The following DNAJC30 variants were observed in gnomAD, a reference collection of about 807,000 sequenced individuals.
The protein encoded by DNAJC30 is DnaJ heat shock protein family (Hsp40) member C30.
Under a neutral mutation model 15.4 loss-of-function variants are expected in DNAJC30, and 16 were observed. That is an observed-to-expected ratio of 1.04 (90% CI 0.70 to 1.58). The LOEUF (loss-of-function observed/expected upper bound fraction) is 1.58. Among genes scored for constraint, DNAJC30 ranks in the 40% most tolerant of loss-of-function variants. The pLI is 0.00. For missense variants in DNAJC30, 352 were observed against 320.9 expected, an observed-to-expected ratio of 1.10 and a Z score of -0.74; for synonymous variants, 161 against 140.2, an observed-to-expected ratio of 1.15 and a Z score of -1.05.
chr7:73,681,956 A>AAAAAC lies in DNAJC30; in HGVS notation c.*782_*786dup, dbSNP rs1319336349. ...GCAACAGAGCGCAAGACTCCATCTC[A>AAAAAC]AAAACAAAACAAAACAAAAAACCCC... On this transcript the variant is annotated 3_prime_UTR_variant, in exon 1 of 1. Transcript: ENST00000395176. 3.9e-5 allele frequency: 6 copies of AAAAAC among 154,794 alleles called. No individual in the cohort carries two copies. Among genetic ancestry groups the AAAAAC allele is most frequent in the East Asian group, 1.9e-4 (1 of 5,294 alleles). 9.6% of individuals were successfully genotyped at this position (154,794 alleles called of 1,614,324 possible). A position where few individuals can be genotyped will look rare whatever the true frequency, so the allele number is the denominator to read the frequency against.
In DNAJC30 at chr7:73,682,956, G is replaced by A. The variant is rs1554611616; in HGVS notation, c.468C>T (p.Gly156=). Residue 156 remains glycine, a synonymous_variant, in exon 1 of 1, where the codon GGC becomes GGT. Coordinates refer to ENST00000395176, the MANE Select transcript of DNAJC30 (RefSeq NM_032317.3). ...CAAAGTTGAACATCGTGCGGTTGGC[G>A]CCGGGGGAGGCCCGAGAACCGTCGT... ...RTHDGSRASP[G]ANRTMFNFDA... The A allele has an allele frequency of 1.5e-5, 24 of 1,609,296 alleles. No homozygotes were observed. The highest frequency in any genetic ancestry group is 1.9e-5 in the Non-Finnish European group (22 of 1,177,056).
rs1296122305 is a variant in DNAJC30 at position 73,680,998 on chromosome 7, AC to A, written c.*1744del. 14 of 151,572 alleles carry A rather than the reference AC, an allele frequency of 9.2e-5. No individual in the cohort carries two copies. The highest frequency in any genetic ancestry group is 3.2e-4 in the African/African-American group (13 of 41,202). 9.4% of individuals were successfully genotyped at this position (151,572 alleles called of 1,614,324 possible). ...ACCAGCTGTGGGTTTATCCCATTTT[AC>A]CTAAGGATTTTACACAATACATTGA... is the stretch of plus-strand genomic sequence containing the variant. On this transcript the variant is annotated 3_prime_UTR_variant, in exon 1 of 1. Coordinates refer to ENST00000395176, the MANE Select transcript of DNAJC30 (RefSeq NM_032317.3).
chr7:73,682,781 T>A lies in DNAJC30; in HGVS notation c.643A>T (p.Ile215Phe), dbSNP rs1554611506. ...DTRDTAAIFL[I>F]FSIFIIIGFY... ...CCGATGATGATGAAGATTGAAAAGA[T>A]GAGGAAAATGGCAGCCGTGTCTCGG... The change falls in exon 1 of 1, where the codon ATC (isoleucine) becomes TTC (phenylalanine). Residue 215 changes from isoleucine to phenylalanine, a missense_variant. Transcript: ENST00000395176. The A allele has an allele frequency of 6.2e-7, 1 of 1,611,514 alleles. No homozygotes were observed. The highest frequency in any genetic ancestry group is 1.3e-5 in the African/African-American group (1 of 74,932).
Position 73,683,448 on chromosome 7 carries a change from C to A in DNAJC30, c.-25G>T, listed in dbSNP as rs1554611902. ...TGTTGAATTGATTCGGCAGGCGGTG[C>A]AAGAGAAACCGGCCAATGAGAGGAG... On this transcript the variant is annotated 5_prime_UTR_variant, in exon 1 of 1. Transcript: ENST00000395176. The A allele has an allele frequency of 1.4e-5, 23 of 1,606,436 alleles. No homozygotes were observed. The highest frequency in any genetic ancestry group is 1.9e-5 in the Non-Finnish European group (22 of 1,177,024).
In DNAJC30 at chr7:73,681,744, G is replaced by A. The variant is rs1584202543; in HGVS notation, c.*999C>T. 6.6e-6 allele frequency: 1 copy of A among 152,184 alleles called. No homozygotes were observed. Among genetic ancestry groups the A allele is most frequent in the African/African-American group, 2.4e-5 (1 of 41,422 alleles). The allele number at this position is 152,184 out of a possible 1,614,324, so 9.4% of individuals were successfully genotyped here. A position where few individuals can be genotyped will look rare whatever the true frequency, so the allele number is the denominator to read the frequency against. On this transcript the variant is annotated 3_prime_UTR_variant, in exon 1 of 1. Transcript: ENST00000395176. ...CTGGACGGGCAGACAGCCTGAGGTCGGCAGTTCGAGACCTCAGTCTGGCCA... is the reference window on the plus strand; with the variant it reads ...CTGGACGGGCAGACAGCCTGAGGTCAGCAGTTCGAGACCTCAGTCTGGCCA...
In DNAJC30 at chr7:73,683,225, C is replaced by T. The variant is rs61732176; in HGVS notation, c.199G>A (p.Ala67Thr). ...AGAAAGCACTGACGGTAGTAAGCCGCCTTGATTTGGGCCTGCGTGGCTGTG... is the reference window on the plus strand; with the variant it reads ...AGAAAGCACTGACGGTAGTAAGCCGTCTTGATTTGGGCCTGCGTGGCTGTG... ...PSTATQAQIKAAYYRQCFLYH... is the reference protein window; with the variant it reads ...PSTATQAQIKTAYYRQCFLYH... Residue 67 changes from alanine (A) to threonine (T), a missense_variant, in exon 1 of 1, where the codon GCG becomes ACG. By Grantham distance (58) the Ala-to-Thr change is moderately conservative. Coordinates refer to ENST00000395176, the MANE Select transcript of DNAJC30 (RefSeq NM_032317.3). 4,061 of 1,614,210 alleles carry T rather than the reference C, an allele frequency of 2.5e-3. 88 individuals are homozygous for T. In the African/African-American group the frequency reaches 0.046, roughly 18 times the overall value.
rs1554611722 is a variant in DNAJC30, at chr7:73,683,169, C to T, written c.255G>A (p.Ala85=). Residue 85 remains alanine, a synonymous_variant, in exon 1 of 1, where the codon GCG becomes GCA. Transcript: ENST00000395176. Reference sequence around the variant, plus strand: ...TGCGCGTGAAGCGCTCGGCGGCCTCCGCGCTCCCGGAGTTGCGGTCCGGGT... The same window carrying T: ...TGCGCGTGAAGCGCTCGGCGGCCTCTGCGCTCCCGGAGTTGCGGTCCGGGT... The part of the protein sequence containing the change: ...LYHPDRNSGS[A]EAAERFTRIS... 2 of 1,614,194 alleles carry T rather than the reference C, an allele frequency of 1.2e-6. No homozygotes were observed. The highest frequency in any genetic ancestry group is 1.7e-5 in the Admixed American group (1 of 60,032).
Position 73,682,720 on chromosome 7 carries a change from C to T in DNAJC30, c.*23G>A, listed in dbSNP as rs1554611487. ...GTTTCTGGGGGGTTGGCTGGGGACA[C>T]TCCCCTTCCCTTCTCTCTCCGATTA... On this transcript the variant is annotated 3_prime_UTR_variant, in exon 1 of 1. Transcript: ENST00000395176. The T allele has an allele frequency of 1.3e-6, 2 of 1,583,436 alleles. No homozygotes were observed. Among genetic ancestry groups the T allele is most frequent in the Non-Finnish European group, 1.7e-6 (2 of 1,162,148 alleles).
Position 73,682,520 on chromosome 7 carries a change from G to A in DNAJC30, c.*223C>T. 1.9e-6 allele frequency: 1 copy of A among 518,124 alleles called. No homozygotes were observed. The allele number at this position is 518,124 out of a possible 1,614,324, so 32.1% of individuals were successfully genotyped here. A position where few individuals can be genotyped will look rare whatever the true frequency, so the allele number is the denominator to read the frequency against. On this transcript the variant is annotated 3_prime_UTR_variant, in exon 1 of 1. Coordinates refer to ENST00000395176, the MANE Select transcript of DNAJC30 (RefSeq NM_032317.3). Reference sequence around the variant, plus strand: ...TCCTGGGCTTTCGGGACTCTACAGCGTGGGGCCTCTTTCTCAGACATCGAA... The same window carrying A: ...TCCTGGGCTTTCGGGACTCTACAGCATGGGGCCTCTTTCTCAGACATCGAA...
At position 73,682,954 on chromosome 7, in the gene DNAJC30, G is replaced by A. The variant is rs1797761612; in HGVS notation, c.470C>T (p.Ala157Val). The A allele has an allele frequency of 6.8e-6, 11 of 1,610,352 alleles. No individual in the cohort carries two copies. The highest frequency in any genetic ancestry group is 1.3e-5 in the African/African-American group (1 of 74,894). ...GTCAAAGTTGAACATCGTGCGGTTG[G>A]CGCCGGGGGAGGCCCGAGAACCGTC... ...THDGSRASPGANRTMFNFDAF... is the reference protein window; with the variant it reads ...THDGSRASPGVNRTMFNFDAF... Residue 157 changes from alanine to valine, a missense_variant, in exon 1 of 1, where the codon GCC (alanine) becomes GTC (valine). By Grantham distance (64) the Ala-to-Val change is moderately conservative. Coordinates refer to ENST00000395176, the MANE Select transcript of DNAJC30 (RefSeq NM_032317.3).
Position 73,683,441 on chromosome 7 carries a change from G to T in DNAJC30, c.-18C>A. ...GCTGCCATGTTGAATTGATTCGGCAGGCGGTGCAAGAGAAACCGGCCAATG... is the reference window on the plus strand; with the variant it reads ...GCTGCCATGTTGAATTGATTCGGCATGCGGTGCAAGAGAAACCGGCCAATG... On this transcript the variant is annotated 5_prime_UTR_variant, in exon 1 of 1. The change creates a new upstream start codon in the 5' untranslated region. Transcript: ENST00000395176. 6.2e-7 allele frequency: 1 copy of T among 1,608,752 alleles called. No homozygotes were observed.
Position 73,683,069 on chromosome 7 carries a change from C to T in DNAJC30, c.355G>A (p.Asp119Asn), listed in dbSNP as rs1414872394. The change falls in exon 1 of 1, where the codon GAC becomes AAC. Residue 119 changes from aspartate (D) to asparagine (N), a missense_variant. Coordinates refer to ENST00000395176, the MANE Select transcript of DNAJC30 (RefSeq NM_032317.3). Reference protein sequence around the residue: ...KYDRGLLSDEDLRGPGVRPSR... With the variant: ...KYDRGLLSDENLRGPGVRPSR... ...GGCCGGACGCCAGGTCCGCGCAGGT[C>T]CTCGTCGCTGAGTAGGCCGCGATCA... is the stretch of plus-strand genomic sequence containing the variant. 7 of 1,602,334 alleles carry T rather than the reference C, an allele frequency of 4.4e-6. No individual in the cohort carries two copies. Among genetic ancestry groups the T allele is most frequent in the Non-Finnish European group, 6.0e-6 (7 of 1,172,314 alleles).
At position 73,682,907 on chromosome 7, in the gene DNAJC30, C is replaced by T. The variant is rs782073520; in HGVS notation, c.517G>A (p.Gly173Arg). The T allele has an allele frequency of 6.2e-7, 1 of 1,614,070 alleles. No individual in the cohort carries two copies. The highest frequency in any genetic ancestry group is 8.5e-7 in the Non-Finnish European group (1 of 1,180,016). ...NFDAFYQAHY[G>R]EQLERERRLR... is the part of the protein sequence containing the mutation. ...CGCCGTTCCCGCTCCAGTTGTTCCCCGTAGTGGGCCTGGTAGAAGGCGTCA... is the reference window on the plus strand; with the variant it reads ...CGCCGTTCCCGCTCCAGTTGTTCCCTGTAGTGGGCCTGGTAGAAGGCGTCA... The change falls in exon 1 of 1, where the codon GGG (glycine) becomes AGG (arginine). Residue 173 changes from glycine to arginine, a missense_variant. By Grantham distance (125) the Gly-to-Arg change is moderately radical. Coordinates refer to ENST00000395176, the MANE Select transcript of DNAJC30 (RefSeq NM_032317.3).
chr7:73,683,052 G>T lies in DNAJC30; in HGVS notation c.372C>A (p.Gly124=). Residue 124 remains glycine (G), a synonymous_variant, in exon 1 of 1, where the codon GGC becomes GGA. Transcript: ENST00000395176. ...LLSDEDLRGP[G]VRPSRTPAPD... ...GTGCGGGCGTCCTGGAGGGCCGGAC[G>T]CCAGGTCCGCGCAGGTCCTCGTCGC... The T allele has an allele frequency of 6.3e-7, 1 of 1,594,946 alleles. No individual in the cohort carries two copies. Among genetic ancestry groups the T allele is most frequent in the Non-Finnish European group, 8.6e-7 (1 of 1,168,508 alleles).
chr7:73,682,513 C>G lies in DNAJC30; in HGVS notation c.*230G>C. Reference sequence around the variant, plus strand: ...CCTTCACTCCTGGGCTTTCGGGACTCTACAGCGTGGGGCCTCTTTCTCAGA... The same window carrying G: ...CCTTCACTCCTGGGCTTTCGGGACTGTACAGCGTGGGGCCTCTTTCTCAGA... On this transcript the variant is annotated 3_prime_UTR_variant, in exon 1 of 1. Transcript: ENST00000395176. 1 of 499,212 alleles carries G rather than the reference C, an allele frequency of 2.0e-6. No homozygotes were observed. The highest frequency in any genetic ancestry group is 3.5e-6 in the Non-Finnish European group (1 of 287,142). 30.9% of individuals were successfully genotyped at this position (499,212 alleles called of 1,614,324 possible). A position where few individuals can be genotyped will look rare whatever the true frequency, so the allele number is the denominator to read the frequency against.
In DNAJC30 at chr7:73,682,225, T is replaced by G. The variant is rs1183338778; in HGVS notation, c.*518A>C. ...CTCTCCACCGATCCCATTCTTACCC[T>G]GGACCAGGTCTCACCTGCGGCTTGG... On this transcript the variant is annotated 3_prime_UTR_variant, in exon 1 of 1. Coordinates refer to ENST00000395176, the MANE Select transcript of DNAJC30 (RefSeq NM_032317.3). 6.5e-6 allele frequency: 1 copy of G among 153,206 alleles called. No homozygotes were observed. The highest frequency in any genetic ancestry group is 6.5e-5 in the Admixed American group (1 of 15,332). 9.5% of individuals were successfully genotyped at this position (153,206 alleles called of 1,614,324 possible).
At position 73,682,924 on chromosome 7, in the gene DNAJC30, A is replaced by G. The variant is rs1554611597; in HGVS notation, c.500T>C (p.Phe167Ser). The change falls in exon 1 of 1, where the codon TTC becomes TCC. Residue 167 changes from phenylalanine (F) to serine (S), a missense_variant. Transcript: ENST00000395176. ...ANRTMFNFDAFYQAHYGEQLE... is the reference protein window; with the variant it reads ...ANRTMFNFDASYQAHYGEQLE... ...TTGTTCCCCGTAGTGGGCCTGGTAGAAGGCGTCAAAGTTGAACATCGTGCG... is the reference window on the plus strand; with the variant it reads ...TTGTTCCCCGTAGTGGGCCTGGTAGGAGGCGTCAAAGTTGAACATCGTGCG... The G allele has an allele frequency of 1.2e-6, 2 of 1,613,908 alleles. No individual in the cohort carries two copies. The highest frequency in any genetic ancestry group is 2.7e-5 in the African/African-American group (2 of 75,058).
In DNAJC30 at chr7:73,683,106, G is replaced by A; in HGVS notation, c.318C>T (p.Leu106=). The A allele has an allele frequency of 6.2e-7, 1 of 1,611,044 alleles. No individual in the cohort carries two copies. The highest frequency in any genetic ancestry group is 8.5e-7 in the Non-Finnish European group (1 of 1,177,728). The change falls in exon 1 of 1, where the codon CTC becomes CTT. Residue 106 remains leucine (L), a synonymous_variant. Coordinates refer to ENST00000395176, the MANE Select transcript of DNAJC30 (RefSeq NM_032317.3). ...QAYVVLGSAT[L]RRKYDRGLLS... ...GTAGGCCGCGATCATACTTGCGACG[G>A]AGGGTGGCACTGCCCAGCACCACGT...
At position 73,681,526 on chromosome 7, in the gene DNAJC30, T is replaced by A. The variant is rs1227511469; in HGVS notation, c.*1217A>T. 6.6e-6 allele frequency: 1 copy of A among 152,218 alleles called. No individual in the cohort carries two copies. Among genetic ancestry groups the A allele is most frequent in the Admixed American group, 6.5e-5 (1 of 15,278 alleles). The allele number at this position is 152,218 out of a possible 1,614,324, so 9.4% of individuals were successfully genotyped here. A position where few individuals can be genotyped will look rare whatever the true frequency, so the allele number is the denominator to read the frequency against. ...TAAGTGCAGAGTTTGTCACTCTATTTCTGGGAGGGGATGGGCTGCACAGTG... is the reference window on the plus strand; with the variant it reads ...TAAGTGCAGAGTTTGTCACTCTATTACTGGGAGGGGATGGGCTGCACAGTG... On this transcript the variant is annotated 3_prime_UTR_variant, in exon 1 of 1. Transcript: ENST00000395176.
Sources: gnomAD v4.1 joint callset for allele counts on GRCh38, gnomAD v4.1.1 for gene constraint, MANE v1.5 for transcripts, NCBI Gene and HGNC (gene_info 2026-07-23, HGNC 2026-07-21) for gene names.